The following SLCO3A1 variants were observed in gnomAD, a reference collection of about 807,000 sequenced individuals.
SLCO3A1 encodes the protein solute carrier organic anion transporter family member 3A1, also known as PGE1 transporter.
SLCO3A1 carries 27 observed loss-of-function variants against 63.1 expected under a neutral mutation model. The ratio of observed to expected loss-of-function variants is 0.43; its 90% confidence interval spans 0.32 to 0.59. The LOEUF is 0.59. Ranked by LOEUF, SLCO3A1 falls within the 20% of genes least tolerant of loss-of-function variation. The pLI is 0.09. For missense variants in SLCO3A1, 773 were observed against 945.8 expected (o/e 0.82, Z 2.40); for synonymous variants, 473 against 409.9 (o/e 1.15, Z -1.86).
intron 2 of SLCO3A1, among the ~76,000 whole-genome samples, chr15:91,957,125 A>ACTATATAGTATATAAT (rs1567037771): frequency 3.4e-4 from 3 of 8,746 alleles, no homozygotes; most frequent in Non-Finnish European, 5.6e-4. Context: ...TAATATATAT[A>ACTATATAGTATATAAT]ATATATATAC....
At chr15:92,045,211 C>A (rs927414971) in intron 2 of SLCO3A1, among the ~76,000 whole-genome samples, 1 of 148,288 alleles carries the variant, frequency 6.7e-6, no homozygotes, top group African/African-American at 2.5e-5. Flanking sequence ...ACCTGGGAGG[C>A]GGAGGTTCCA....
Position 91,916,519 on chromosome 15 carries a change from T to C in SLCO3A1, c.646+61T>C, listed in dbSNP as rs1898667317. The C allele has an allele frequency of 7.8e-7, 1 of 1,289,480 alleles. No individual in the cohort carries two copies. Among genetic ancestry groups the C allele is most frequent in the South Asian group, 1.4e-5 (1 of 72,914 alleles). The allele number at this position is 1,289,480 out of a possible 1,614,324, so 79.9% of individuals were successfully genotyped here. On this transcript the variant is annotated intron_variant, in intron 2 of 9. Coordinates refer to ENST00000318445, the MANE Select transcript of SLCO3A1 (RefSeq NM_013272.4). The surrounding 1 kb of genome is among the most constrained non-coding windows in gnomAD (Gnocchi z 6.2). Reference sequence around the variant, plus strand: ...GGGTGTGTTGACCATGGATAAAAGGTGGCCTGGTGGACTTTGATTTTGCCA... The same window carrying C: ...GGGTGTGTTGACCATGGATAAAAGGCGGCCTGGTGGACTTTGATTTTGCCA...
At chr15:91,957,233 C>T (rs764924081) in intron 2 of SLCO3A1, among the ~76,000 whole-genome samples, 7 of 131,936 alleles carry the variant, frequency 5.3e-5, no homozygotes, top group African/African-American at 1.2e-4. Context: ...TCATATGATC[C>T]GCTGGCTAGG....
chr15:91,893,772 TTATCCATC>T (rs1420498724), intron 1 of SLCO3A1, among the ~76,000 whole-genome samples: 1 of 152,218 alleles, frequency 6.6e-6, no homozygotes, highest in South Asian at 2.1e-4. Context: ...TTTCTTCTAT[TTATCCATC>T]TATCCATCTA....
intron 1 of SLCO3A1, among the ~76,000 whole-genome samples, chr15:91,857,104 G>A (rs1263494417): frequency 1.3e-5 from 2 of 151,362 alleles, no homozygotes. Context: ...GTGTGTGTCT[G>A]TGTGTGTGTG....
chr15:91,873,667 G>C (rs1420608018), intron 1 of SLCO3A1, among the ~76,000 whole-genome samples: 1 of 151,780 alleles, frequency 6.6e-6, no homozygotes, highest in African/African-American at 2.4e-5. Context: ...CATAAACTAT[G>C]GTCATTTCCC....
intron 2 of SLCO3A1, among the ~76,000 whole-genome samples, chr15:92,081,142 T>G (rs989984920): frequency 6.6e-6 from 1 of 152,126 alleles, no homozygotes; most frequent in Non-Finnish European, 1.5e-5. Context: ...TAAAATAAAT[T>G]ACTGTTGACT....
intron 3 of SLCO3A1, among the ~76,000 whole-genome samples, chr15:92,102,782 A>T (rs567753420): frequency 6.6e-6 from 1 of 152,328 alleles, no homozygotes; most frequent in Non-Finnish European, 1.5e-5. Context: ...GGAATTGATC[A>T]TTCACCTCGG....
chr15:92,109,217 T>C (rs540677372), intron 4 of SLCO3A1, among the ~76,000 whole-genome samples: 1 of 152,234 alleles, frequency 6.6e-6, no homozygotes, highest in South Asian at 2.1e-4. Context: ...AAGTGAGGCT[T>C]GTAGATGGAA....
intron 2 of SLCO3A1, among the ~76,000 whole-genome samples, chr15:91,966,486 A>G (rs189129555): frequency 1.7e-4 from 26 of 152,334 alleles, no homozygotes; most frequent in Admixed American, 5.9e-4. Context: ...CACTGTCCCC[A>G]GGGTACATGG....
At chr15:91,991,234 G>A (rs1289510636) in intron 2 of SLCO3A1, among the ~76,000 whole-genome samples, 2 of 152,094 alleles carry the variant, frequency 1.3e-5, no homozygotes, top group Non-Finnish European at 2.9e-5. Flanking sequence ...AGGCAGGGTG[G>A]TGTGCACCTA....
intron 2 of SLCO3A1, among the ~76,000 whole-genome samples, chr15:91,925,180 G>A (rs568163671): frequency 5.3e-5 from 8 of 152,302 alleles, no homozygotes; most frequent in African/African-American, 7.2e-5. Context: ...AATAACATGC[G>A]TATTGTTTCT....
chr15:91,949,213 G>A (rs901479603), intron 2 of SLCO3A1, among the ~76,000 whole-genome samples: 3 of 152,248 alleles, frequency 2.0e-5, no homozygotes, highest in Admixed American at 6.5e-5. Flanking sequence ...CTGGGGGGAA[G>A]GATGTGACCA....
rs558981138 is a variant in SLCO3A1 at position 91,961,993 on chromosome 15, A to G, written c.646+45535A>G. Among the ~76,000 whole-genome samples, 12 of 152,334 alleles carry G rather than the reference A, an allele frequency of 7.9e-5. No individual in the cohort carries two copies. In the South Asian group the frequency reaches 2.1e-3, roughly 26 times the overall value. On this transcript the variant is annotated intron_variant, in intron 2 of 9. Transcript: ENST00000318445. Reference sequence around the variant, plus strand: ...GAAACCTGGACTCAGAAGACTGGGGAGAATTATTCAAGGTCACAAAGTAGT... The same window carrying G: ...GAAACCTGGACTCAGAAGACTGGGGGGAATTATTCAAGGTCACAAAGTAGT...
intron 1 of SLCO3A1, among the ~76,000 whole-genome samples, chr15:91,911,338 A>G (rs1898478497): frequency 6.6e-6 from 1 of 152,186 alleles, no homozygotes; most frequent in African/African-American, 2.4e-5. Context: ...AGAGGTACTC[A>G]AAGTGGGGTC....
At chr15:92,040,507 C>T (rs2046784501) in intron 2 of SLCO3A1, among the ~76,000 whole-genome samples, 2 of 152,156 alleles carry the variant, frequency 1.3e-5, no homozygotes, top group Admixed American at 1.3e-4. Flanking sequence ...TCCCCAAGTT[C>T]CAGGCCCAGG....
intron 1 of SLCO3A1, among the ~76,000 whole-genome samples, chr15:91,869,648 G>A (rs116162860): frequency 0.013 from 1,918 of 152,048 alleles, 44 homozygotes; most frequent in African/African-American, 0.044. Flanking sequence ...GCAGTGAGCC[G>A]TAATAGTGCC....
rs1269882382 is a variant in SLCO3A1 at position 91,900,065 on chromosome 15, G to A, written c.181-15928G>A. On this transcript the variant is annotated intron_variant, in intron 1 of 9. Transcript: ENST00000318445. This position sits in a 1 kb window ranked among gnomAD's most constrained non-coding sequence, Gnocchi z 4.3. ...TTTGTTTCTCTGTTAACCATTCATG[G>A]ATGTTTGAGTTGTTCCCAATGTGAT... 6.6e-6 allele frequency among the ~76,000 whole-genome samples: 1 copy of A among 152,112 alleles called. No homozygotes were observed. Among genetic ancestry groups the A allele is most frequent in the Non-Finnish European group, 1.5e-5 (1 of 68,014 alleles).
chr15:91,960,449 G>GT (rs1900402518), intron 2 of SLCO3A1, among the ~76,000 whole-genome samples: 1 of 152,132 alleles, frequency 6.6e-6, no homozygotes, highest in Non-Finnish European at 1.5e-5. Flanking sequence ...CTGAAGGTTT[G>GT]TATACACATT....
Sources: gnomAD v4.1 joint callset for allele counts (sites outside exome capture counted in the v4.1 genomes callset) on GRCh38, gnomAD v4.1.1 for gene constraint, Gnocchi (gnomAD v3.1) non-coding constraint, MANE v1.5 for transcripts, NCBI Gene and HGNC (gene_info 2026-07-23, HGNC 2026-07-21) for gene names.